The following SYNE2 variants were observed in gnomAD, a reference collection of about 807,000 sequenced individuals.
SYNE2 encodes spectrin repeat containing nuclear envelope protein 2, also known as nesprin-2.
SYNE2 carries 431 observed loss-of-function variants against 856.3 expected under a neutral mutation model. The observed-to-expected ratio is 0.50, with a 90% CI of 0.47 to 0.55. SYNE2 has a LOEUF of 0.55. Among genes scored for constraint, SYNE2 ranks in the 20% least tolerant of loss-of-function variants. The pLI is 0.00. For synonymous variants in SYNE2, 2,923 were observed against 2,872.3 expected (o/e 1.02, Z -0.56); for missense variants, 8,129 against 8,023.2 (o/e 1.01, Z -0.50).
intron 2 of SYNE2, among the ~76,000 whole-genome samples, chr14:63,914,365 T>C (rs906993303): frequency 1.3e-5 from 2 of 152,256 alleles, no homozygotes; most frequent in Non-Finnish European, 2.9e-5. Flanking sequence ...ATTAAGATCC[T>C]TCATGGAGTT....
chr14:64,121,364 T>C (rs537744227), intron 68 of SYNE2, among the ~76,000 whole-genome samples: 4 of 151,526 alleles, frequency 2.6e-5, no homozygotes, highest in African/African-American at 9.7e-5. Flanking sequence ...CTACTAAAAA[T>C]ACAAAAAAAT....
rs61984138 is a variant in SYNE2, at chr14:64,086,205, T to C, written c.11485-1466T>C. On this transcript the variant is annotated intron_variant, in intron 57 of 115. Coordinates refer to ENST00000555002, the MANE Select transcript of SYNE2 (RefSeq NM_182914.3). ...TGTTGCATAAGGTGTGATTGAAGGA[T>C]CAAAGTTCTTTTTTTCCATGGGGAT... Among the ~76,000 whole-genome samples the C allele has an allele frequency of 5.8e-3, 889 of 152,356 alleles. 8 individuals carry two copies. Among genetic ancestry groups the C allele is most frequent in the Non-Finnish European group, 9.7e-3 (659 of 68,030 alleles).
Position 63,909,244 on chromosome 14 carries a change from G to A in SYNE2, c.79+17G>A. On this transcript the variant is annotated intron_variant, in intron 2 of 115. Coordinates refer to ENST00000555002, the MANE Select transcript of SYNE2 (RefSeq NM_182914.3). ...CATTGCAAGGTAATTAAGATTGGGT[G>A]GGGGTAACACCCACAGAAACTGGGG... 1.3e-6 allele frequency: 2 copies of A among 1,582,402 alleles called. No homozygotes were observed. Among genetic ancestry groups the A allele is most frequent in the Non-Finnish European group, 1.7e-6 (2 of 1,152,078 alleles).
intron 1 of SYNE2, among the ~76,000 whole-genome samples, chr14:63,789,918 A>C (rs189520487): frequency 9.8e-4 from 149 of 152,282 alleles, no homozygotes; most frequent in African/African-American, 3.3e-3. Flanking sequence ...GGACTGCCTG[A>C]ATACATTCAC....
chr14:63,913,896 T>C lies in SYNE2; in HGVS notation c.79+4669T>C, dbSNP rs2095505287. The stretch of plus-strand genomic sequence containing the variant: ...ATTAAAAAAATATATACGGGGGAAG[T>C]CTTGCTATTTTGCCCAGGCTGGTCT... On this transcript the variant is annotated intron_variant, in intron 2 of 115. Coordinates refer to ENST00000555002, the MANE Select transcript of SYNE2 (RefSeq NM_182914.3). 6.6e-5 allele frequency among the ~76,000 whole-genome samples: 3 copies of C among 45,762 alleles called. 1 individual carries two copies. In the South Asian group the frequency reaches 3.2e-3, roughly 49 times the overall value. The allele number at this position is 45,762 out of a possible 152,430, so 30.0% of individuals were successfully genotyped here.
chr14:64,207,248 A>G (rs530809715), intron 100 of SYNE2, among the ~76,000 whole-genome samples: 4 of 152,300 alleles, frequency 2.6e-5, no homozygotes, highest in South Asian at 4.1e-4. Context: ...TAAACACTCA[A>G]TGATCGGAAT....
In SYNE2 at chr14:64,141,650, TAA is replaced by T. The variant is rs1595799106; in HGVS notation, c.15159+128_15159+129del. ...TATTTTTCTCTGGCACCACTGAATA[TAA>T]GTCTTAATTACTGGACCCTCCTCCA... On this transcript the variant is annotated intron_variant, in intron 81 of 115. Transcript: ENST00000555002. 8.5e-6 allele frequency: 9 copies of T among 1,057,982 alleles called. No homozygotes were observed. The East Asian group carries it at 2.1e-4, about 24-fold the overall frequency. The allele number at this position is 1,057,982 out of a possible 1,614,324, so 65.5% of individuals were successfully genotyped here.
chr14:64,151,330 G>A (rs1044190057), intron 84 of SYNE2, among the ~76,000 whole-genome samples: 1 of 149,534 alleles, frequency 6.7e-6, no homozygotes, highest in Admixed American at 6.7e-5. Context: ...CCCTCCCAGG[G>A]TACAAGCCAC....
chr14:63,819,397 A>G (rs1889127877), intron 1 of SYNE2, among the ~76,000 whole-genome samples: 1 of 151,702 alleles, frequency 6.6e-6, no homozygotes, highest in South Asian at 2.1e-4. Flanking sequence ...ATGCCTGGCT[A>G]ATTTTTGTAT....
chr14:64,212,689 T>C (rs1028411091), intron 104 of SYNE2, 122 bp from the exon 105 acceptor site: 1 of 880,392 alleles, frequency 1.1e-6, no homozygotes, highest in Middle Eastern at 2.5e-4. Context: ...GCTAGAGTAG[T>C]AGGTGAAGGA....
rs913856694 is a variant in SYNE2, at chr14:64,097,976, A to G, written c.12136A>G (p.Ile4046Val). 6.2e-7 allele frequency: 1 copy of G among 1,614,260 alleles called. No homozygotes were observed. ...AGAAATCGAACGTATGGAGAAACAG[A>G]TTCTGAGTTTGAACCAGAGAAAAGA... ...QGEIERMEKQ[I>V]LSLNQRKEDL... is the part of the protein sequence containing the mutation. Residue 4046 changes from isoleucine to valine, a missense_variant, in exon 62 of 116, where the codon ATT (isoleucine) becomes GTT (valine). By Grantham distance (29) the Ile-to-Val change is conservative. This residue lies in a region of SYNE2 where 5,410 missense variants were observed against 5,284.8 expected (regional missense o/e 1.02). Coordinates refer to ENST00000555002, the MANE Select transcript of SYNE2 (RefSeq NM_182914.3).
intron 85 of SYNE2, among the ~76,000 whole-genome samples, chr14:64,155,808 AT>A (rs756455977): frequency 6.6e-6 from 1 of 152,190 alleles, no homozygotes; most frequent in Non-Finnish European, 1.5e-5. Context: ...TGCACCTGTA[AT>A]CCCAGCTATT....
chr14:64,167,537 C>T lies in SYNE2; in HGVS notation c.16803C>T (p.Cys5601=). The T allele has an allele frequency of 2.5e-6, 4 of 1,614,136 alleles. No homozygotes were observed. Residue 5601 remains cysteine, a synonymous_variant, in exon 92 of 116, where the codon TGC becomes TGT. Transcript: ENST00000555002. ...GIGLNEKFLY[C]CEKWIQLLEK... Reference sequence around the variant, plus strand: ...GATTGAATGAAAAGTTTCTTTATTGCTGTGAAAAGTGGATCCAACTTTTGG... The same window carrying T: ...GATTGAATGAAAAGTTTCTTTATTGTTGTGAAAAGTGGATCCAACTTTTGG...
In SYNE2 at chr14:64,029,926, G is replaced by A. The variant is rs764036360; in HGVS notation, c.6746G>A (p.Arg2249Gln). 39 of 1,613,914 alleles carry A rather than the reference G, an allele frequency of 2.4e-5. 1 individual carries two copies. Among genetic ancestry groups the A allele is most frequent in the Middle Eastern group, 3.3e-4 (2 of 6,060 alleles). Residue 2249 changes from arginine to glutamine, a missense_variant, in exon 44 of 116, where the codon CGA (arginine) becomes CAA (glutamine). Coordinates refer to ENST00000555002, the MANE Select transcript of SYNE2 (RefSeq NM_182914.3). ...GTGCAAAACTTGGACGGTCACGTTC[G>A]AGAACATGATTCATACCAGGTTTGC... is the stretch of plus-strand genomic sequence containing the variant. ...DSVQNLDGHV[R>Q]EHDSYQVCVT...
chr14:64,150,169 G>T (rs1031631404), intron 84 of SYNE2, among the ~76,000 whole-genome samples: 3 of 150,458 alleles, frequency 2.0e-5, no homozygotes, highest in African/African-American at 7.3e-5. Context: ...GGTGGCACAT[G>T]CCTGTAGCCT....
chr14:64,064,699 A>G (rs749210143), intron 50 of SYNE2, among the ~76,000 whole-genome samples: 1 of 151,576 alleles, frequency 6.6e-6, no homozygotes, highest in Non-Finnish European at 1.5e-5. Context: ...GGCTACAGGC[A>G]TACACCACCA....
intron 1 of SYNE2, among the ~76,000 whole-genome samples, chr14:63,801,434 G>A (rs1888123225): frequency 6.6e-6 from 1 of 152,222 alleles, no homozygotes; most frequent in Non-Finnish European, 1.5e-5. Context: ...CACTTCAGAA[G>A]GCTGAGGCAG....
At chr14:64,064,027 G>A (rs1007837157) in intron 50 of SYNE2, among the ~76,000 whole-genome samples, 3 of 152,200 alleles carry the variant, frequency 2.0e-5, no homozygotes, top group African/African-American at 7.2e-5. Flanking sequence ...TTGGGTGAAT[G>A]TGGTCTCTTT....
At position 64,024,437 on chromosome 14, in the gene SYNE2, G is replaced by A; in HGVS notation, c.5818G>A (p.Asp1940Asn). 1 of 1,614,034 alleles carries A rather than the reference G, an allele frequency of 6.2e-7. No homozygotes were observed. The highest frequency in any genetic ancestry group is 8.5e-7 in the Non-Finnish European group (1 of 1,179,942). ...ICQARAKELE[D>N]SLQQLLRLQD... ...CCAGGCTCGAGCAAAGGAGCTTGAAGACTCCTTGCAGCAGCTACTGAGGTA... is the reference window on the plus strand; with the variant it reads ...CCAGGCTCGAGCAAAGGAGCTTGAAAACTCCTTGCAGCAGCTACTGAGGTA... Residue 1940 changes from aspartate to asparagine, a missense_variant, in exon 39 of 116, where the codon GAC becomes AAC. Physicochemically the swap from Asp to Asn is conservative, Grantham distance 23 (BLOSUM62 1). Transcript: ENST00000555002.
Sources: allele counts gnomAD v4.1 joint callset (sites outside exome capture counted in the v4.1 genomes callset), GRCh38; gene constraint gnomAD v4.1.1; regional missense constraint gnomAD v4.1.1; transcripts MANE v1.5; gene names NCBI Gene and HGNC (gene_info 2026-07-23, HGNC 2026-07-21).